NEBL: variants seen among roughly 807,000 people sequenced by gnomAD.
NEBL encodes the protein LIM and SH3 protein 2.
NEBL carries 122 observed loss-of-function variants against 140.2 expected under a neutral mutation model. That is an observed-to-expected ratio of 0.87 (90% confidence interval 0.75 to 1.01). NEBL has a LOEUF of 1.01. Ranked by LOEUF, NEBL falls within the 50% of genes least tolerant of loss-of-function variation. The probability of loss-of-function intolerance (pLI) is 0.00; values close to 1 mark genes in which losing one functional copy is unlikely to be tolerated. For missense variants in NEBL, 1,365 were observed against 1,231.3 expected, an observed-to-expected ratio of 1.11 and a Z score of -1.62; for synonymous variants, 436 against 398.9, an observed-to-expected ratio of 1.09 and a Z score of -1.11.
chr10:20,958,086 A>G (rs1305156944), intron 4 of NEBL, among the ~76,000 whole-genome samples: 1 of 152,184 alleles, frequency 6.6e-6, no homozygotes, highest in African/African-American at 2.4e-5. Flanking sequence ...GTAAACTTGA[A>G]GGTGGGAACC....
intron 3 of NEBL, among the ~76,000 whole-genome samples, chr10:21,222,124 C>A (rs1471074017): frequency 6.6e-6 from 1 of 151,784 alleles, no homozygotes; most frequent in Non-Finnish European, 1.5e-5. Flanking sequence ...TTATGGTATA[C>A]CCAAAATGAA....
At chr10:21,032,819 C>A (rs945768296) in intron 2 of NEBL, among the ~76,000 whole-genome samples, 3 of 152,144 alleles carry the variant, frequency 2.0e-5, no homozygotes, top group Non-Finnish European at 4.4e-5. Context: ...CTCGAAGGGT[C>A]AAACAGCTTG....
At chr10:20,877,643 C>T (rs1588912596) in intron 5 of NEBL, among the ~76,000 whole-genome samples, 1 of 152,206 alleles carries the variant, frequency 6.6e-6, no homozygotes, top group Non-Finnish European at 1.5e-5. Context: ...CTTCCCTTTT[C>T]CTTTCCAACC....
At chr10:21,109,793 G>A (rs924700324) in intron 2 of NEBL, among the ~76,000 whole-genome samples, 1 of 152,134 alleles carries the variant, frequency 6.6e-6, no homozygotes, top group Admixed American at 6.5e-5. Context: ...GCATAGAGGT[G>A]TTTATAGTAT....
At chr10:21,146,305 C>T (rs763728455) in intron 2 of NEBL, 46 of 1,560,848 alleles carry the variant, frequency 2.9e-5, no homozygotes, top group Non-Finnish European at 3.9e-5. Context: ...CTCAGCACAC[C>T]CATGCAGTAT....
At chr10:21,057,992 C>T (rs1283759338) in intron 2 of NEBL, among the ~76,000 whole-genome samples, 3 of 152,128 alleles carry the variant, frequency 2.0e-5, no homozygotes, top group African/African-American at 2.4e-5. Context: ...TCTGACTTTC[C>T]ATCTATTTTT....
chr10:20,789,975 A>T lies in NEBL; in HGVS notation c.2762-2667T>A, dbSNP rs1035392525. Among the ~76,000 whole-genome samples the T allele has an allele frequency of 7.3e-5, 11 of 151,372 alleles. No homozygotes were observed. The East Asian group carries it at 2.1e-3, about 29-fold the overall frequency. ...TGTGTATATATATATATATACACAC[A>T]CACACATACAAGTTATATTTATGCC... is the stretch of plus-strand genomic sequence containing the variant. On this transcript the variant is annotated intron_variant, in intron 26 of 27. Coordinates refer to ENST00000377122, the MANE Select transcript of NEBL (RefSeq NM_006393.3).
chr10:21,262,541 T>C (rs1842752416), intron 1 of NEBL, among the ~76,000 whole-genome samples: 1 of 152,180 alleles, frequency 6.6e-6, no homozygotes, highest in Admixed American at 6.5e-5. Context: ...GGATTGGAAA[T>C]TAAACTGGGG....
At chr10:21,249,287 T>G (rs1282397401) in intron 2 of NEBL, among the ~76,000 whole-genome samples, 1 of 152,236 alleles carries the variant, frequency 6.6e-6, no homozygotes, top group African/African-American at 2.4e-5. Context: ...GATACGTGAT[T>G]TGAAAGTATT....
chr10:21,201,166 T>C (rs1841729181), intron 3 of NEBL, among the ~76,000 whole-genome samples: 1 of 152,152 alleles, frequency 6.6e-6, no homozygotes, highest in South Asian at 2.1e-4. Context: ...ATGCCAAAGC[T>C]GGGGTGCTAA....
At chr10:20,880,471 C>A (rs1845913704) in intron 5 of NEBL, among the ~76,000 whole-genome samples, 1 of 152,178 alleles carries the variant, frequency 6.6e-6, no homozygotes, top group South Asian at 2.1e-4. Flanking sequence ...TTCTGTGATT[C>A]TAGACTTAGA....
At chr10:21,271,575 G>A (rs573244789) in intron 1 of NEBL, among the ~76,000 whole-genome samples, 1 of 150,982 alleles carries the variant, frequency 6.6e-6, no homozygotes, top group Non-Finnish European at 1.5e-5. Flanking sequence ...ATCCAGGCTG[G>A]AATGCAATAT....
intron 26 of NEBL, among the ~76,000 whole-genome samples, chr10:20,800,802 T>C (rs1837048076): frequency 6.6e-6 from 1 of 151,954 alleles, no homozygotes; most frequent in Non-Finnish European, 1.5e-5. Context: ...GAGGAGTCAA[T>C]TTCTTGGTAA....
intron 4 of NEBL, among the ~76,000 whole-genome samples, chr10:20,918,740 A>T (rs918801314): frequency 6.6e-6 from 1 of 151,144 alleles, no homozygotes; most frequent in Non-Finnish European, 1.5e-5. Context: ...AGTCCCAGCT[A>T]CTCGGGAGGC....
At chr10:21,139,993 A>C (rs553588561) in intron 2 of NEBL, among the ~76,000 whole-genome samples, 2,119 of 151,248 alleles carry the variant, frequency 0.014, 51 homozygotes, top group African/African-American at 0.048. Context: ...TCAACAAAAA[A>C]AAAAAAAAAA....
chr10:21,088,782 T>G (rs1436660228), intron 2 of NEBL, among the ~76,000 whole-genome samples: 1 of 152,226 alleles, frequency 6.6e-6, no homozygotes, highest in Non-Finnish European at 1.5e-5. Context: ...CACTACCAAC[T>G]GGCAGAGGCC....
rs373788661 is a variant in NEBL at position 21,173,739 on chromosome 10, G to C, written c.69+26C>G. 1.4e-5 allele frequency: 23 copies of C among 1,611,892 alleles called. No homozygotes were observed. The African/African-American group carries it at 2.8e-4, about 20-fold the overall frequency. ...TGCAGCCCCTCGCCCGGCAGGTCCA[G>C]GCTGGCCCGGCGCCCCCTCGCTCAC... On this transcript the variant is annotated intron_variant, in intron 1 of 6. Coordinates refer to the NEBL transcript ENST00000417816. The surrounding 1 kb of genome is among the most constrained non-coding windows in gnomAD (Gnocchi z 5.7).
intron 3 of NEBL, among the ~76,000 whole-genome samples, chr10:21,234,212 T>C (rs1196688430): frequency 6.6e-6 from 1 of 152,046 alleles, no homozygotes; most frequent in Non-Finnish European, 1.5e-5. Flanking sequence ...CTGGACCTGA[T>C]GTAGTTTCCT....
At chr10:20,976,720 G>A (rs557883141) in intron 3 of NEBL, among the ~76,000 whole-genome samples, 2 of 152,104 alleles carry the variant, frequency 1.3e-5, no homozygotes, top group African/African-American at 4.8e-5. Context: ...GCTAAACATT[G>A]AGAACACCTG....
Sources: allele counts gnomAD v4.1 joint callset (sites outside exome capture counted in the v4.1 genomes callset), GRCh38; gene constraint gnomAD v4.1.1; non-coding constraint Gnocchi (gnomAD v3.1); transcripts MANE v1.5; gene names NCBI Gene and HGNC (gene_info 2026-07-23, HGNC 2026-07-21).